The following ELOVL6 variants were observed in gnomAD, a reference collection of about 807,000 sequenced individuals.
ELOVL6 encodes ELOVL fatty acid elongase 6, also known as very long chain fatty acid elongase 6.
Under a neutral mutation model 31.7 loss-of-function variants are expected in ELOVL6, and 8 were observed. The observed-to-expected ratio is 0.25, with a 90% CI of 0.15 to 0.45. ELOVL6 has a LOEUF of 0.45. Ranked by LOEUF, ELOVL6 falls within the 20% of genes least tolerant of loss-of-function variation. The probability of loss-of-function intolerance (pLI) is 1.00; values close to 1 mark genes in which losing one functional copy is unlikely to be tolerated. For synonymous variants in ELOVL6, 101 were observed against 117.7 expected, an observed-to-expected ratio of 0.86 and a Z score of 0.92; for missense variants, 126 against 326.4, an observed-to-expected ratio of 0.39 and a Z score of 4.73.
chr4:110,153,332 A>AAT (rs1560847274), intron 1 of ELOVL6, among the ~76,000 whole-genome samples: 1 of 152,160 alleles, frequency 6.6e-6, no homozygotes, highest in Non-Finnish European at 1.5e-5. Context: ...TTTTGCTCAA[A>AAT]ATATTAATCT....
At chr4:110,081,712 G>A (rs1755858955) in intron 2 of ELOVL6, among the ~76,000 whole-genome samples, 2 of 151,132 alleles carry the variant, frequency 1.3e-5, no homozygotes, top group African/African-American at 4.9e-5. Flanking sequence ...AACACTAAAA[G>A]CAAGGGCAAC....
In ELOVL6 at chr4:110,084,243, G is replaced by GATATATAACATATATGAT. The variant is rs1756088706; in HGVS notation, c.221+21253_221+21254insATCATATATGTTATATAT. On this transcript the variant is annotated intron_variant, in intron 2 of 3. Transcript: ENST00000302274. ...CTTATATGATATATATAACATATAT[G>GATATATAACATATATGAT]ATATATATAACATATAGCTTATATG... Among the ~76,000 whole-genome samples the GATATATAACATATATGAT allele has an allele frequency of 3.0e-5, 3 of 98,910 alleles. 1 individual carries two copies. The highest frequency in any genetic ancestry group is 3.1e-4 in the South Asian group (1 of 3,240). 64.9% of individuals were successfully genotyped at this position (98,910 alleles called of 152,430 possible). A position where few individuals can be genotyped will look rare whatever the true frequency, so the allele number is the denominator to read the frequency against.
intron 3 of ELOVL6, among the ~76,000 whole-genome samples, chr4:110,052,180 C>G (rs1287513903): frequency 3.3e-5 from 5 of 152,184 alleles, no homozygotes; most frequent in Non-Finnish European, 7.3e-5. Flanking sequence ...CTGGAGGGGA[C>G]TGGTGACTTG....
At chr4:110,061,584 T>C (rs1333602923) in intron 2 of ELOVL6, among the ~76,000 whole-genome samples, 1 of 129,908 alleles carries the variant, frequency 7.7e-6, no homozygotes, top group East Asian at 2.2e-4. Context: ...TGAGACAGAA[T>C]CTCGCTCTCT....
At chr4:110,186,237 A>G (rs1296966798) in intron 1 of ELOVL6, among the ~76,000 whole-genome samples, 2 of 152,084 alleles carry the variant, frequency 1.3e-5, no homozygotes, top group African/African-American at 4.8e-5. Context: ...GAAAAAAAAT[A>G]AAGTGACTTA....
At chr4:110,157,437 G>C (rs1468245464) in intron 1 of ELOVL6, among the ~76,000 whole-genome samples, 2 of 152,072 alleles carry the variant, frequency 1.3e-5, no homozygotes, top group African/African-American at 2.4e-5. Context: ...TTGGGAGGCC[G>C]AGGCAGGTGG....
intron 1 of ELOVL6, among the ~76,000 whole-genome samples, chr4:110,184,368 C>T (rs988921223): frequency 1.3e-5 from 2 of 152,104 alleles, no homozygotes; most frequent in Non-Finnish European, 2.9e-5. Flanking sequence ...ATTTATAAAC[C>T]AAGTGCCAGT....
In ELOVL6 at chr4:110,138,728, G is replaced by C. The variant is rs6857123; in HGVS notation, c.90-33100C>G. ...AATGGTCACTTGTGTGATAAGATGT[G>C]TGGATGTGGGGTGGGGGGCAGGGGT... On this transcript the variant is annotated intron_variant, in intron 1 of 3. Transcript: ENST00000302274. Among the ~76,000 whole-genome samples the C allele has an allele frequency of 4.1e-3, 611 of 150,826 alleles. 3 individuals are homozygous for C. Among genetic ancestry groups the C allele is most frequent in the African/African-American group, 0.014 (588 of 40,902 alleles).
At chr4:110,128,301 A>C (rs1457622361) in intron 1 of ELOVL6, among the ~76,000 whole-genome samples, 2 of 152,312 alleles carry the variant, frequency 1.3e-5, no homozygotes, top group South Asian at 4.1e-4. Flanking sequence ...TGAAGGTGCA[A>C]GAAGTTAAGT....
At chr4:110,196,463 G>C (rs1193556398) in intron 1 of ELOVL6, among the ~76,000 whole-genome samples, 1 of 152,180 alleles carries the variant, frequency 6.6e-6, no homozygotes, top group Non-Finnish European at 1.5e-5. Context: ...TAAGCGGGAG[G>C]AGGAAGTGCA....
chr4:110,193,780 A>G (rs1759695752), intron 1 of ELOVL6, among the ~76,000 whole-genome samples: 1 of 152,190 alleles, frequency 6.6e-6, no homozygotes, highest in African/African-American at 2.4e-5. Flanking sequence ...ACCCTTTTAC[A>G]CCACCAAGGG....
At chr4:110,058,033 G>A (rs904188440) in intron 3 of ELOVL6, among the ~76,000 whole-genome samples, 19 of 152,052 alleles carry the variant, frequency 1.2e-4, no homozygotes, top group African/African-American at 4.6e-4. Context: ...AGATTTTGCA[G>A]GCATTGTCTG....
intron 1 of ELOVL6, among the ~76,000 whole-genome samples, chr4:110,156,954 A>G (rs1329270522): frequency 2.0e-5 from 3 of 152,234 alleles, no homozygotes; most frequent in Non-Finnish European, 4.4e-5. Context: ...AAGCCATAAC[A>G]AGGCTGGTAA....
At chr4:110,084,776 G>C (rs1756200439) in intron 2 of ELOVL6, among the ~76,000 whole-genome samples, 1 of 150,580 alleles carries the variant, frequency 6.6e-6, no homozygotes, top group Non-Finnish European at 1.5e-5. Flanking sequence ...TGTGTGTTTA[G>C]TAGAGATGGG....
chr4:110,124,709 TAA>T (rs201675406), intron 1 of ELOVL6, among the ~76,000 whole-genome samples: 32 of 141,550 alleles, frequency 2.3e-4, no homozygotes, highest in Admixed American at 2.8e-4. Context: ...TCCTGGAACT[TAA>T]AAAAAAAAAA....
intron 2 of ELOVL6, among the ~76,000 whole-genome samples, chr4:110,075,771 C>A (rs976811230): frequency 1.3e-5 from 2 of 152,122 alleles, no homozygotes; most frequent in African/African-American, 4.8e-5. Context: ...TCACCACCAC[C>A]ACCACAGCAG....
At chr4:110,148,924 C>T (rs1758205705) in intron 1 of ELOVL6, among the ~76,000 whole-genome samples, 1 of 152,084 alleles carries the variant, frequency 6.6e-6, no homozygotes. Context: ...GCAGTGCTAC[C>T]ATCACAGCTC....
intron 3 of ELOVL6, among the ~76,000 whole-genome samples, chr4:110,058,736 A>G (rs1201489125): frequency 6.6e-6 from 1 of 152,172 alleles, no homozygotes; most frequent in Non-Finnish European, 1.5e-5. Flanking sequence ...ATTGCAATTG[A>G]TATCTTTTGA....
chr4:110,070,945 A>T (rs1394884996), intron 2 of ELOVL6, among the ~76,000 whole-genome samples: 1 of 152,218 alleles, frequency 6.6e-6, no homozygotes, highest in Non-Finnish European at 1.5e-5. Flanking sequence ...ACGAATAAAG[A>T]TAATTAATGC....
Sources: allele counts gnomAD v4.1 joint callset (sites outside exome capture counted in the v4.1 genomes callset), GRCh38; gene constraint gnomAD v4.1.1; transcripts MANE v1.5; gene names NCBI Gene and HGNC (gene_info 2026-07-23, HGNC 2026-07-21).